EPG5: variants seen among roughly 807,000 people sequenced by gnomAD.
EPG5 encodes the protein ectopic P-granules 5 autophagy tethering factor.
Under a neutral mutation model 302.7 loss-of-function variants are expected in EPG5, and 159 were observed. The observed-to-expected ratio is 0.53, with a 90% confidence interval of 0.46 to 0.60. The LOEUF (loss-of-function observed/expected upper bound fraction) is 0.60. Ranked by LOEUF, EPG5 falls within the 20% of genes least tolerant of loss-of-function variation. EPG5 has a pLI of 0.00. For missense variants in EPG5, 2,896 were observed against 3,092.4 expected (o/e 0.94, Z 1.51); for synonymous variants, 1,158 against 1,136.8 (o/e 1.02, Z -0.37).
chr18:45,913,557 T>C (rs1417051772), intron 21 of EPG5, 149 bp downstream of exon 21: 3 of 928,576 alleles, frequency 3.2e-6, no homozygotes, highest in Admixed American at 2.5e-5. Flanking sequence ...ACTCTTCAAT[T>C]ACACAGTTTT....
chr18:45,807,191 C>T, the EPG5 span, among the ~76,000 whole-genome samples: 2 of 152,130 alleles, frequency 1.3e-5, no homozygotes, highest in African/African-American at 4.8e-5. Context: ...ACCTGGGAGC[C>T]TCATCTCCAT....
chr18:45,906,079 G>A (rs955937297), intron 24 of EPG5, among the ~76,000 whole-genome samples: 29 of 151,992 alleles, frequency 1.9e-4, no homozygotes, highest in African/African-American at 5.8e-4. Context: ...CCACATATCC[G>A]ACTTTGCCTC....
chr18:45,951,015 A>T, intron 4 of EPG5, 87 bp downstream of exon 4: 1 of 1,119,206 alleles, frequency 8.9e-7, no homozygotes, highest in Non-Finnish European at 1.2e-6. Context: ...GAAAAAGTTG[A>T]AGACCAAATG....
intron 30 of EPG5, among the ~76,000 whole-genome samples, chr18:45,882,697 A>G (rs1367312273): frequency 6.6e-6 from 1 of 152,126 alleles, no homozygotes; most frequent in Admixed American, 6.5e-5. Flanking sequence ...AGAGAAGTAC[A>G]TAAAAGAATA....
chr18:45,911,363 G>A (rs144313665), intron 22 of EPG5, among the ~76,000 whole-genome samples: 13,857 of 151,018 alleles, frequency 0.092, 684 homozygotes, highest in African/African-American at 0.14. Flanking sequence ...ACAGCTCACT[G>A]CAAGCTCCGC....
In EPG5 at chr18:45,887,519, G is replaced by C. The variant is rs28698347; in HGVS notation, c.5109+232C>G. On this transcript the variant is annotated intron_variant, in intron 29 of 43. Coordinates refer to ENST00000282041, the MANE Select transcript of EPG5 (RefSeq NM_020964.3). ...ACACCAAGGATATATGACAAGTTCT[G>C]ATGTCTCCCTAGACTTTCAAATATG... 0.037 allele frequency among the ~76,000 whole-genome samples: 5,694 copies of C among 152,220 alleles called. 317 individuals carry two copies. Among genetic ancestry groups the C allele is most frequent in the African/African-American group, 0.12 (5,173 of 41,492 alleles).
chr18:45,870,324 G>C (rs888263217), intron 36 of EPG5, among the ~76,000 whole-genome samples: 4 of 152,106 alleles, frequency 2.6e-5, no homozygotes, highest in African/African-American at 9.7e-5. Context: ...AAGTCTAGGG[G>C]ATGACTGACA....
chr18:45,937,381 C>T (rs1599611956), intron 10 of EPG5, among the ~76,000 whole-genome samples: 2 of 150,412 alleles, frequency 1.3e-5, no homozygotes. Context: ...CATATATATA[C>T]ACACACACAT....
Position 45,899,386 on chromosome 18 carries a change from A to G in EPG5, c.4809+18T>C, listed in dbSNP as rs962863909. ...TCAATTAAAATTCTCTCAGTTCTGAAGAAATTTAAACACTTACCTGAACCG... is the reference window on the plus strand; with the variant it reads ...TCAATTAAAATTCTCTCAGTTCTGAGGAAATTTAAACACTTACCTGAACCG... On this transcript the variant is annotated intron_variant, in intron 27 of 43. Transcript: ENST00000282041. 1.2e-6 allele frequency: 2 copies of G among 1,613,830 alleles called. No homozygotes were observed. The highest frequency in any genetic ancestry group is 1.7e-6 in the Non-Finnish European group (2 of 1,179,740).
downstream of EPG5, among the ~76,000 whole-genome samples, chr18:45,845,391 G>A (rs930402794): frequency 5.3e-5 from 8 of 152,278 alleles, no homozygotes; most frequent in East Asian, 1.9e-4. Context: ...CCCCCAGCTT[G>A]GCCTCCTGAT....
Position 45,916,421 on chromosome 18 carries a change from G to A in EPG5, c.3384+17C>T, listed in dbSNP as rs1308204102. ...AAGACAGGCGGGAGTGTGCTTAGGG[G>A]CTTGCAAGGCCCTCACCTGGATCAT... On this transcript the variant is annotated intron_variant, in intron 18 of 43. Transcript: ENST00000282041. The A allele has an allele frequency of 3.1e-6, 5 of 1,603,774 alleles. No individual in the cohort carries two copies. The highest frequency in any genetic ancestry group is 4.3e-6 in the Non-Finnish European group (5 of 1,171,978).
chr18:45,954,342 T>A (rs920758268), intron 2 of EPG5, 52 bp downstream of exon 2: 1 of 1,495,698 alleles, frequency 6.7e-7, no homozygotes, highest in Non-Finnish European at 9.1e-7. Context: ...CTGGACAACA[T>A]CCCAGGAATA....
At chr18:45,935,749 C>T (rs1444362269) in intron 10 of EPG5, among the ~76,000 whole-genome samples, 3 of 152,158 alleles carry the variant, frequency 2.0e-5, no homozygotes, top group Non-Finnish European at 4.4e-5. Context: ...CAGTACTCCT[C>T]TCTGAACACT....
chr18:45,817,624 G>C, the EPG5 span, among the ~76,000 whole-genome samples: 1 of 152,178 alleles, frequency 6.6e-6, no homozygotes, highest in Non-Finnish European at 1.5e-5. Flanking sequence ...TCTGACTATT[G>C]GCAGGTGGTC....
At chr18:45,940,463 C>T (rs73953918) in intron 9 of EPG5, among the ~76,000 whole-genome samples, 2,500 of 151,820 alleles carry the variant, frequency 0.016, 80 homozygotes, top group African/African-American at 0.057. Flanking sequence ...AGGGCAGAAG[C>T]GGGTGGTGGG....
At chr18:45,833,192 G>T in the EPG5 span, among the ~76,000 whole-genome samples, 9 of 152,268 alleles carry the variant, frequency 5.9e-5, no homozygotes, top group African/African-American at 2.2e-4. Context: ...ACTACCCAGG[G>T]TTAAGCCTTG....
At chr18:45,817,010 C>T in the EPG5 span, among the ~76,000 whole-genome samples, 55 of 152,134 alleles carry the variant, frequency 3.6e-4, no homozygotes, top group African/African-American at 1.3e-3. Context: ...TGAAGTAACT[C>T]GGGAATGGAA....
intron 16 of EPG5, among the ~76,000 whole-genome samples, chr18:45,919,389 G>A (rs1026288419): frequency 6.6e-6 from 1 of 152,156 alleles, no homozygotes; most frequent in Non-Finnish European, 1.5e-5. Context: ...AGCAGTATCA[G>A]TGAATAAAGG....
intron 15 of EPG5, among the ~76,000 whole-genome samples, chr18:45,922,890 C>T (rs960704248): frequency 2.0e-5 from 3 of 152,168 alleles, no homozygotes; most frequent in Non-Finnish European, 4.4e-5. Context: ...ACCATCAGGA[C>T]GGAGGTCTCA....
Sources: allele counts gnomAD v4.1 joint callset (sites outside exome capture counted in the v4.1 genomes callset), GRCh38; gene constraint gnomAD v4.1.1; transcripts MANE v1.5; gene names NCBI Gene and HGNC (gene_info 2026-07-23, HGNC 2026-07-21).